Variants in SLC16A12 observed in about 807,000 individuals in gnomAD.
SLC16A12 encodes solute carrier family 16 member 12, also known as monocarboxylate transporter 12.
SLC16A12 carries 17 observed loss-of-function variants against 42.4 expected under a neutral mutation model. The observed-to-expected ratio is 0.40, with a 90% CI of 0.27 to 0.60. The LOEUF is 0.60. Ranked by LOEUF, SLC16A12 falls within the 20% of genes least tolerant of loss-of-function variation. The pLI is 0.42. For missense variants in SLC16A12, 544 were observed against 623.0 expected, an observed-to-expected ratio of 0.87 and a Z score of 1.35; for synonymous variants, 224 against 229.4, an observed-to-expected ratio of 0.98 and a Z score of 0.21.
At chr10:89,442,967 TACAA>T in intron 4 of SLC16A12, among the ~76,000 whole-genome samples, 1 of 152,346 alleles carries the variant, frequency 6.6e-6, no homozygotes, top group East Asian at 1.9e-4. Flanking sequence ...GGGTCTAAGC[TACAA>T]ACAATTTGAT....
intron 2 of SLC16A12, among the ~76,000 whole-genome samples, chr10:89,508,915 G>A (rs962885169): frequency 6.6e-6 from 1 of 151,926 alleles, no homozygotes; most frequent in Non-Finnish European, 1.5e-5. Context: ...CAATTTCTGT[G>A]TATTGTCATT....
In SLC16A12 at chr10:89,432,988, A is replaced by G. The variant is rs904438023; in HGVS notation, c.*76T>C. The G allele has an allele frequency of 6.4e-7, 1 of 1,574,312 alleles. No homozygotes were observed. The highest frequency in any genetic ancestry group is 2.0e-5 in the Admixed American group (1 of 50,046). On this transcript the variant is annotated 3_prime_UTR_variant, in exon 8 of 8. Transcript: ENST00000371790. Reference sequence around the variant, plus strand: ...GAAGGCAATCCTTCTGCCAAAATAAAAAGTTTCAGAAACATGAAGAATCTG... The same window carrying G: ...GAAGGCAATCCTTCTGCCAAAATAAGAAGTTTCAGAAACATGAAGAATCTG...
At chr10:89,459,977 T>C (rs550605596) in intron 3 of SLC16A12, among the ~76,000 whole-genome samples, 191 of 152,272 alleles carry the variant, frequency 1.3e-3, no homozygotes, top group African/African-American at 4.2e-3. Context: ...AAGTCAATCT[T>C]TCTGAGCATC....
chr10:89,554,352 T>G (rs1340883622), intron 2 of SLC16A12, among the ~76,000 whole-genome samples: 2 of 152,184 alleles, frequency 1.3e-5, no homozygotes, highest in East Asian at 3.9e-4. Flanking sequence ...AGACCCTGCT[T>G]CTGGTGAAAT....
intron 2 of SLC16A12, among the ~76,000 whole-genome samples, chr10:89,484,459 G>A (rs934587421): frequency 5.9e-5 from 9 of 152,266 alleles, no homozygotes; most frequent in South Asian, 2.1e-4. Flanking sequence ...TTGTGGGTAC[G>A]TAGTAAATTA....
chr10:89,449,823 C>T (rs1322847323), intron 3 of SLC16A12, among the ~76,000 whole-genome samples: 1 of 152,174 alleles, frequency 6.6e-6, no homozygotes, highest in Non-Finnish European at 1.5e-5. Context: ...GAACAGGCAA[C>T]CTGCAGAATG....
chr10:89,468,941 C>T (rs564665937), intron 2 of SLC16A12, among the ~76,000 whole-genome samples: 3 of 152,204 alleles, frequency 2.0e-5, no homozygotes, highest in Non-Finnish European at 4.4e-5. Context: ...ACCAGCCTGG[C>T]CAACATGGCG....
intron 2 of SLC16A12, among the ~76,000 whole-genome samples, chr10:89,543,102 G>C (rs948978918): frequency 2.6e-5 from 4 of 152,150 alleles, no homozygotes; most frequent in African/African-American, 9.7e-5. Flanking sequence ...CCCTTGAAAG[G>C]CATTTACAAA....
At chr10:89,531,093 CG>C (rs1206874148) in intron 2 of SLC16A12, among the ~76,000 whole-genome samples, 1 of 152,068 alleles carries the variant, frequency 6.6e-6, no homozygotes, top group East Asian at 1.9e-4. Context: ...CATATTACAT[CG>C]GTTTAGGCAA....
intron 7 of SLC16A12, among the ~76,000 whole-genome samples, chr10:89,433,731 C>G (rs1306533253): frequency 3.9e-5 from 6 of 152,230 alleles, no homozygotes; most frequent in African/African-American, 1.2e-4. Context: ...CACCCATACA[C>G]TGTTTTGAGT....
intron 5 of SLC16A12, among the ~76,000 whole-genome samples, chr10:89,440,073 C>CAAAAAAAAAAAAA (rs10674171): frequency 3.2e-5 from 1 of 31,430 alleles, no homozygotes; most frequent in Non-Finnish European, 5.7e-5. Context: ...GACCCTGTCT[C>CAAAAAAAAAAAAA]AAAAAAAAAA....
chr10:89,527,063 G>A (rs953291275), intron 2 of SLC16A12, among the ~76,000 whole-genome samples: 19 of 152,186 alleles, frequency 1.2e-4, no homozygotes, highest in African/African-American at 4.6e-4. Flanking sequence ...ATTTTTATTC[G>A]TGGATAAAAA....
intron 2 of SLC16A12, among the ~76,000 whole-genome samples, chr10:89,507,587 A>T (rs1254784462): frequency 6.6e-6 from 1 of 152,236 alleles, no homozygotes; most frequent in Non-Finnish European, 1.5e-5. Context: ...AGCACTAAAC[A>T]TGGAAAGGAA....
chr10:89,520,597 A>G (rs997591805), intron 2 of SLC16A12, among the ~76,000 whole-genome samples: 17 of 152,178 alleles, frequency 1.1e-4, no homozygotes, highest in Non-Finnish European at 2.5e-4. Context: ...AAGCACACGT[A>G]CACTTGTGTT....
intron 2 of SLC16A12, among the ~76,000 whole-genome samples, chr10:89,503,100 T>A (rs1843011525): frequency 6.6e-6 from 1 of 152,212 alleles, no homozygotes; most frequent in Non-Finnish European, 1.5e-5. Flanking sequence ...AACAATAGGA[T>A]GAGAGAGAAC....
intron 2 of SLC16A12, among the ~76,000 whole-genome samples, chr10:89,469,366 AT>A (rs781635661): frequency 1.3e-5 from 2 of 152,204 alleles, no homozygotes; most frequent in African/African-American, 2.4e-5. Context: ...TAGAAAAATC[AT>A]TTGCAAAAAT....
chr10:89,435,513 C>G (rs1375605867), intron 7 of SLC16A12, among the ~76,000 whole-genome samples: 5 of 152,202 alleles, frequency 3.3e-5, no homozygotes, highest in Non-Finnish European at 4.4e-5. Flanking sequence ...AGCTACCTCT[C>G]TCCTAAGTTA....
intron 2 of SLC16A12, among the ~76,000 whole-genome samples, chr10:89,507,523 C>T (rs938727263): frequency 2.0e-5 from 3 of 152,154 alleles, no homozygotes; most frequent in Non-Finnish European, 4.4e-5. Context: ...CAAGCAAAGG[C>T]TGAGAGATTT....
At chr10:89,472,816 T>C (rs1277256883) in intron 2 of SLC16A12, among the ~76,000 whole-genome samples, 1 of 151,866 alleles carries the variant, frequency 6.6e-6, no homozygotes, top group Non-Finnish European at 1.5e-5. Context: ...TTAAATTTTT[T>C]TCTTTTTTAT....
Sources: allele counts gnomAD v4.1 joint callset (sites outside exome capture counted in the v4.1 genomes callset), GRCh38; gene constraint gnomAD v4.1.1; transcripts MANE v1.5; gene names NCBI Gene and HGNC (gene_info 2026-07-23, HGNC 2026-07-21).